The following FAM228B variants were observed in gnomAD, a reference collection of about 807,000 sequenced individuals.
The protein encoded by FAM228B is protein FAM228B.
FAM228B carries 38 observed loss-of-function variants against 42.6 expected under a neutral mutation model. The ratio of observed to expected loss-of-function variants is 0.89; its 90% CI spans 0.69 to 1.17. The LOEUF is 1.17. FAM228B is among the 50% of genes most tolerant of loss of function. The pLI, the probability that FAM228B is intolerant of heterozygous loss-of-function variation, is 0.00. For missense variants in FAM228B, 344 were observed against 367.3 expected (o/e 0.94, Z 0.52); for synonymous variants, 109 against 122.3 (o/e 0.89, Z 0.72).
chr2:24,131,539 T>C (rs1208203116), intron 2 of FAM228B, among the ~76,000 whole-genome samples: 1 of 152,234 alleles, frequency 6.6e-6, no homozygotes, highest in Non-Finnish European at 1.5e-5. Context: ...GAAGAGGTCC[T>C]TCACATCCCT....
At chr2:24,121,296 G>C (rs200145580), upstream of FAM228B, 1 of 1,613,964 alleles carries the variant, frequency 6.2e-7, no homozygotes, top group Non-Finnish European at 8.5e-7. Context: ...ATCACTGGGC[G>C]TTACCTGGAG....
chr2:24,150,429 T>A (rs892320600), intron 7 of FAM228B, among the ~76,000 whole-genome samples: 1 of 152,048 alleles, frequency 6.6e-6, no homozygotes, highest in Non-Finnish European at 1.5e-5. Context: ...TTATTTTATT[T>A]TATTATTATT....
At chr2:24,090,000 G>A (rs1219834401) in intron 2 of FAM228B, among the ~76,000 whole-genome samples, 6 of 149,846 alleles carry the variant, frequency 4.0e-5, no homozygotes, top group South Asian at 2.1e-4. Flanking sequence ...AACGCCGGGC[G>A]CAGTGACTCA....
chr2:24,161,294 A>G (rs924242675), intron 7 of FAM228B, among the ~76,000 whole-genome samples: 2 of 152,052 alleles, frequency 1.3e-5, no homozygotes, highest in South Asian at 4.2e-4. Context: ...AAAAATAAAA[A>G]TAAATCCCTT....
rs368946266 is a variant in FAM228B at position 24,160,324 on chromosome 2, G to A, written c.687-1182G>A. 7.2e-4 allele frequency among the ~76,000 whole-genome samples: 110 copies of A among 152,104 alleles called. 4 individuals are homozygous for A. Among genetic ancestry groups the A allele is most frequent in the African/African-American group, 2.6e-3 (106 of 41,514 alleles). Reference sequence around the variant, plus strand: ...TTTATTTAACCTACTGGTATATGTTGTGCTTCCTGGATCTCTGTATTCATG... The same window carrying A: ...TTTATTTAACCTACTGGTATATGTTATGCTTCCTGGATCTCTGTATTCATG... On this transcript the variant is annotated intron_variant, in intron 7 of 10. Transcript: ENST00000615575.
Position 24,084,339 on chromosome 2 carries a change from C to CACAGGGCAGGGCAGGGCAGGACAGG in FAM228B, c.-210+3425_-210+3449dup, listed in dbSNP as rs762702067. The CACAGGGCAGGGCAGGGCAGGACAGG allele has an allele frequency of 3.7e-5, 60 of 1,604,012 alleles. 1 individual carries two copies. In the South Asian group the frequency reaches 4.2e-4, roughly 11 times the overall value. ...GCACGGCTAACATATTGTCTGAGGA[C>CACAGGGCAGGGCAGGGCAGGACAGG]ACAGGGCAGGGCAGGGCAGGACAGG... On this transcript the variant is annotated intron_variant, in intron 2 of 10. Coordinates refer to the FAM228B transcript ENST00000613899. This position sits in a 1 kb window ranked among gnomAD's most constrained non-coding sequence, Gnocchi z 8.4.
At chr2:24,094,929 C>T (rs1310801686) in intron 2 of FAM228B, among the ~76,000 whole-genome samples, 1 of 152,128 alleles carries the variant, frequency 6.6e-6, no homozygotes, top group Non-Finnish European at 1.5e-5. Flanking sequence ...CCCATCTCTA[C>T]TAAAAATACC....
chr2:24,156,773 C>CT (rs1667157327), intron 7 of FAM228B, among the ~76,000 whole-genome samples: 1 of 5,324 alleles, frequency 1.9e-4, no homozygotes, highest in African/African-American at 2.2e-4. Context: ...CATTTCTTTC[C>CT]GCCCCCCCCC....
intron 8 of FAM228B, 23 bp from the exon 9 acceptor site, chr2:24,164,171 CCCTT>C: frequency 6.5e-7 from 1 of 1,530,222 alleles, no homozygotes; most frequent in Non-Finnish European, 8.8e-7. Flanking sequence ...TTAAGAGAAT[CCCTT>C]CCTTTCTGGT....
chr2:24,084,530 C>T lies in FAM228B; in HGVS notation c.-210+3575C>T. On this transcript the variant is annotated intron_variant, in intron 2 of 10. Coordinates refer to the FAM228B transcript ENST00000613899. This position sits in a 1 kb window ranked among gnomAD's most constrained non-coding sequence, Gnocchi z 8.4. ...CCGCGGACCCGGCCTCCGCCCCGAG[C>T]TCCTGCCTGGGAAGTCCTCGGCCGC... 1 of 671,650 alleles carries T rather than the reference C, an allele frequency of 1.5e-6. No individual in the cohort carries two copies. Among genetic ancestry groups the T allele is most frequent in the Non-Finnish European group, 2.3e-6 (1 of 433,828 alleles). The allele number at this position is 671,650 out of a possible 1,614,324, so 41.6% of individuals were successfully genotyped here.
chr2:24,146,643 C>A, intron 5 of FAM228B, 105 bp from the exon 6 acceptor site: 1 of 651,762 alleles, frequency 1.5e-6, no homozygotes, highest in Admixed American at 3.1e-5. Flanking sequence ...ATATTATTTA[C>A]CCTCCCGGCA....
At chr2:24,096,409 T>A (rs983893256) in intron 3 of FAM228B, 4 of 152,160 alleles carry the variant, frequency 2.6e-5, no homozygotes, top group Non-Finnish European at 5.9e-5. Flanking sequence ...AATGGCTAAC[T>A]GGAATAAACA....
chr2:24,090,562 CAAAAAAAA>C (rs58611623), intron 2 of FAM228B, among the ~76,000 whole-genome samples: 1 of 81,652 alleles, frequency 1.2e-5, no homozygotes, highest in Non-Finnish European at 2.2e-5. Flanking sequence ...CCTCCCATCT[CAAAAAAAA>C]AAAAAAAAAA....
chr2:24,121,125 T>C (rs1226049553), upstream of FAM228B: 1 of 1,606,084 alleles, frequency 6.2e-7, no homozygotes, highest in African/African-American at 1.3e-5. Flanking sequence ...GCAAATTCTT[T>C]TCTTTTACTC....
At chr2:24,092,218 C>CA (rs34189159) in intron 2 of FAM228B, among the ~76,000 whole-genome samples, 4,810 of 28,634 alleles carry the variant, frequency 0.17, 507 homozygotes, top group Non-Finnish European at 0.2. Context: ...GACTCTGTCT[C>CA]AAAAAAAAAA....
At chr2:24,103,958 G>T (rs942713886) in intron 3 of FAM228B, among the ~76,000 whole-genome samples, 1 of 152,208 alleles carries the variant, frequency 6.6e-6, no homozygotes, top group African/African-American at 2.4e-5. Flanking sequence ...ATGAATTGGG[G>T]GTGGGGCCGA....
At chr2:24,167,747 G>T in intron 10 of FAM228B, 64 bp downstream of exon 10, 1 of 1,531,116 alleles carries the variant, frequency 6.5e-7, no homozygotes, top group Non-Finnish European at 8.9e-7. Flanking sequence ...TTGCCACTGT[G>T]ATTTCTGATA....
At chr2:24,128,747 A>AT (rs1343156956) in intron 2 of FAM228B, among the ~76,000 whole-genome samples, 1 of 150,048 alleles carries the variant, frequency 6.7e-6, no homozygotes, top group Non-Finnish European at 1.5e-5. Flanking sequence ...AATATTTTTC[A>AT]TTTTTCCCCT....
At chr2:24,161,409 A>T (rs1667282195) in intron 7 of FAM228B, 97 bp from the exon 8 acceptor site, 1 of 706,226 alleles carries the variant, frequency 1.4e-6, no homozygotes, top group African/African-American at 1.8e-5. Flanking sequence ...CTGTGATTGC[A>T]CCACTGCACC....
Sources: gnomAD v4.1 joint callset for allele counts (sites outside exome capture counted in the v4.1 genomes callset) on GRCh38, gnomAD v4.1.1 for gene constraint, Gnocchi (gnomAD v3.1) non-coding constraint, MANE v1.5 for transcripts, NCBI Gene and HGNC (gene_info 2026-07-23, HGNC 2026-07-21) for gene names.